Variants in OTOL1 observed in about 807,000 individuals in gnomAD.
The protein encoded by OTOL1 is otolin-1.
A neutral mutation model predicts 25.0 loss-of-function variants in OTOL1; 31 were observed. The ratio of observed to expected loss-of-function variants is 1.24; its 90% CI spans 0.93 to 1.67. The LOEUF (loss-of-function observed/expected upper bound fraction) is 1.67, where lower values mean the gene tolerates loss of function less well. Among genes scored for constraint, OTOL1 ranks in the 40% most tolerant of loss-of-function variants. The pLI is 0.00. For synonymous variants in OTOL1, 225 were observed against 210.3 expected (o/e 1.07, Z -0.61); for missense variants, 654 against 587.7 (o/e 1.11, Z -1.17).
At position 161,503,226 on chromosome 3, in the gene OTOL1, G is replaced by A; in HGVS notation, c.718G>A (p.Asp240Asn). The A allele has an allele frequency of 2.0e-6, 2 of 997,286 alleles. No homozygotes were observed. The highest frequency in any genetic ancestry group is 2.7e-6 in the Non-Finnish European group (2 of 754,052). The allele number at this position is 997,286 out of a possible 1,614,324, so 61.8% of individuals were successfully genotyped here. A position where few individuals can be genotyped will look rare whatever the true frequency, so the allele number is the denominator to read the frequency against. Reference sequence around the variant, plus strand: ...GATGGGGGAGAAGGGGGAGATGGGGGATAAGGGCTGCTGTGGAGATTCTGG... The same window carrying A: ...GATGGGGGAGAAGGGGGAGATGGGGAATAAGGGCTGCTGTGGAGATTCTGG... Reference protein sequence around the residue: ...GEMGEKGEMGDKGCCGDSGER... With the variant: ...GEMGEKGEMGNKGCCGDSGER... The change falls in exon 4 of 4, where the codon GAT becomes AAT. Residue 240 changes from aspartate to asparagine, a missense_variant. Asp to Asn is a conservative substitution (Grantham distance 23, BLOSUM62 1). Transcript: ENST00000327928.
At position 161,496,952 on chromosome 3, in the gene OTOL1, G is replaced by A; in HGVS notation, c.145G>A (p.Gly49Ser). 1 of 1,613,518 alleles carries A rather than the reference G, an allele frequency of 6.2e-7. No individual in the cohort carries two copies. Among genetic ancestry groups the A allele is most frequent in the Non-Finnish European group, 8.5e-7 (1 of 1,179,644 alleles). Residue 49 changes from glycine to serine, a missense_variant, in exon 1 of 4, where the codon GGC becomes AGC. Physicochemically the swap from Gly to Ser is moderately conservative, Grantham distance 56. Transcript: ENST00000327928. ...GCCAAAGGGTCTAAAGCCATCCAGT[G>A]GCCCACCTCCAGAAGAAGAAGAAAC... ...EMPKGLKPSSGPPPEEEETLF... is the reference protein window; with the variant it reads ...EMPKGLKPSSSPPPEEEETLF...
chr3:161,501,598 T>C (rs1161716608), intron 2 of OTOL1, among the ~76,000 whole-genome samples: 1 of 152,106 alleles, frequency 6.6e-6, no homozygotes, highest in African/African-American at 2.4e-5. Context: ...AACTACAGGA[T>C]GTTGTGCACT....
At position 161,497,167 on chromosome 3, in the gene OTOL1, G is replaced by T; in HGVS notation, c.360G>T (p.Gln120His). 6.2e-7 allele frequency: 1 copy of T among 1,605,228 alleles called. No homozygotes were observed. The highest frequency in any genetic ancestry group is 1.1e-5 in the South Asian group (1 of 89,860). The change falls in exon 1 of 4, where the codon CAG (glutamine) becomes CAT (histidine). Residue 120 changes from glutamine to histidine, a missense_variant. Gln to His is a conservative substitution (Grantham distance 24). Transcript: ENST00000327928. ...AAGGAGAACCTGGAGAGACTGGACA[G>T]CCAGGTATTAGAAAATATAAGAAGT... is the stretch of plus-strand genomic sequence containing the variant. The part of the protein sequence containing the change: ...GQKGEPGETG[Q>H]PGPKGEAGNL...
rs200583638 is a variant in OTOL1 at position 161,496,908 on chromosome 3, A to G, written c.101A>G (p.Lys34Arg). The change falls in exon 1 of 4, where the codon AAA becomes AGA. Residue 34 changes from lysine to arginine, a missense_variant. Lys to Arg is a conservative substitution (Grantham distance 26). Coordinates refer to ENST00000327928, the MANE Select transcript of OTOL1 (RefSeq NM_001080440.1). ...ACACCACATACCAAATTTACGAAGA[A>G]ATCTGAGGAAAGAGAGATGCCAAAG... ...KTTPHTKFTKKSEEREMPKGL... is the reference protein window; with the variant it reads ...KTTPHTKFTKRSEEREMPKGL... The G allele has an allele frequency of 7.2e-5, 116 of 1,613,442 alleles. No homozygotes were observed. In the African/African-American group the frequency reaches 1.4e-3, roughly 19 times the overall value.
intron 3 of OTOL1, 83 bp from the exon 4 acceptor site, chr3:161,502,943 T>TCTA (rs1480266408): frequency 5.5e-6 from 6 of 1,096,614 alleles, no homozygotes; most frequent in Non-Finnish European, 7.1e-6. Context: ...TAGGTTTGTT[T>TCTA]CTACTTTTTT....
At chr3:161,498,435 A>C (rs904191563) in intron 1 of OTOL1, among the ~76,000 whole-genome samples, 2 of 152,088 alleles carry the variant, frequency 1.3e-5, no homozygotes, top group Admixed American at 1.3e-4. Context: ...TCTGCCACAG[A>C]GCATAGTGCT....
chr3:161,502,099 C>T (rs1264168744), intron 2 of OTOL1, among the ~76,000 whole-genome samples: 1 of 152,208 alleles, frequency 6.6e-6, no homozygotes, highest in Non-Finnish European at 1.5e-5. Context: ...AACTCCTGAC[C>T]TCAGGTGATC....
At chr3:161,497,194 A>C in intron 1 of OTOL1, 23 bp downstream of exon 1, 1 of 1,587,744 alleles carries the variant, frequency 6.3e-7, no homozygotes, top group Non-Finnish European at 8.6e-7. Flanking sequence ...ATAAGAAGTC[A>C]TGTTTCTCAC....
chr3:161,498,402 T>A (rs1460855337), intron 1 of OTOL1, among the ~76,000 whole-genome samples: 1 of 152,114 alleles, frequency 6.6e-6, no homozygotes, highest in African/African-American at 2.4e-5. Flanking sequence ...CCTGGGGAGC[T>A]CATATGTCTT....
chr3:161,502,120 G>A (rs1469742013), intron 2 of OTOL1, among the ~76,000 whole-genome samples, 187 bp from the exon 3 acceptor site: 5 of 152,146 alleles, frequency 3.3e-5, no homozygotes, highest in Non-Finnish European at 7.3e-5. Flanking sequence ...CACCCGCCTC[G>A]GCCTCCCACA....
chr3:161,503,651 C>A lies in OTOL1; in HGVS notation c.1143C>A (p.Asn381Lys). ...ACAGTCCTGTCACTGGGAAGTTTAA[C>A]TGCTCTATTCCTGGGACATATGTTT... ...GNYSPVTGKF[N>K]CSIPGTYVFS... Residue 381 changes from asparagine (N) to lysine (K), a missense_variant, in exon 4 of 4, where the codon AAC becomes AAA. Physicochemically the swap from Asn to Lys is moderately conservative, Grantham distance 94. Coordinates refer to ENST00000327928, the MANE Select transcript of OTOL1 (RefSeq NM_001080440.1). 6.2e-7 allele frequency: 1 copy of A among 1,613,884 alleles called. No individual in the cohort carries two copies.
At position 161,503,527 on chromosome 3, in the gene OTOL1, T is replaced by C; in HGVS notation, c.1019T>C (p.Val340Ala). ...FKGSKGELAR[V>A]PRSAFSAGLS... ...GGCTCCAAGGGTGAGTTGGCTAGAG[T>C]GCCCCGGTCGGCTTTCAGCGCTGGT... The change falls in exon 4 of 4, where the codon GTG becomes GCG. Residue 340 changes from valine (V) to alanine (A), a missense_variant. By Grantham distance (64) the Val-to-Ala change is moderately conservative. Coordinates refer to ENST00000327928, the MANE Select transcript of OTOL1 (RefSeq NM_001080440.1). 6.2e-7 allele frequency: 1 copy of C among 1,613,492 alleles called. No individual in the cohort carries two copies. Among genetic ancestry groups the C allele is most frequent in the East Asian group, 2.2e-5 (1 of 44,832 alleles).
chr3:161,500,086 A>G (rs1283441960), intron 2 of OTOL1, among the ~76,000 whole-genome samples: 1 of 152,172 alleles, frequency 6.6e-6, no homozygotes, highest in African/African-American at 2.4e-5. Context: ...CTGTAGAAAT[A>G]CCATCTATCC....
At chr3:161,502,207 G>A in intron 2 of OTOL1, 100 bp from the exon 3 acceptor site, 1 of 1,072,340 alleles carries the variant, frequency 9.3e-7, no homozygotes, top group Non-Finnish European at 1.4e-6. Flanking sequence ...AGCCCATTTT[G>A]GTTAAAGAAA....
Position 161,503,243 on chromosome 3 carries a change from A to G in OTOL1, c.735A>G (p.Gly245=). 1.4e-6 allele frequency: 2 copies of G among 1,384,804 alleles called. No individual in the cohort carries two copies. The highest frequency in any genetic ancestry group is 1.9e-6 in the Non-Finnish European group (2 of 1,065,980). 85.8% of individuals were successfully genotyped at this position (1,384,804 alleles called of 1,614,324 possible). ...AGATGGGGGATAAGGGCTGCTGTGGAGATTCTGGGGAGAGGGGAGGAAAAG... is the reference window on the plus strand; with the variant it reads ...AGATGGGGGATAAGGGCTGCTGTGGGGATTCTGGGGAGAGGGGAGGAAAAG... ...KGEMGDKGCC[G]DSGERGGKGQ... is the part of the protein sequence containing the mutation. The change falls in exon 4 of 4, where the codon GGA becomes GGG. Residue 245 remains glycine, a synonymous_variant. Coordinates refer to ENST00000327928, the MANE Select transcript of OTOL1 (RefSeq NM_001080440.1).
At chr3:161,498,552 A>G (rs1019141941) in intron 1 of OTOL1, among the ~76,000 whole-genome samples, 5 of 152,174 alleles carry the variant, frequency 3.3e-5, no homozygotes, top group African/African-American at 1.2e-4. Flanking sequence ...CATTTTCTCA[A>G]GGAAGCCTCT....
At chr3:161,498,693 G>A (rs1718897955) in intron 1 of OTOL1, among the ~76,000 whole-genome samples, 1 of 152,126 alleles carries the variant, frequency 6.6e-6, no homozygotes, top group African/African-American at 2.4e-5. Context: ...TCAGCTTCAT[G>A]AGAGTAGGGA....
chr3:161,501,344 A>G (rs1718970068), intron 2 of OTOL1, among the ~76,000 whole-genome samples: 1 of 152,178 alleles, frequency 6.6e-6, no homozygotes, highest in Non-Finnish European at 1.5e-5. Flanking sequence ...GATATTATTA[A>G]TACCATTATT....
chr3:161,502,452 T>A (rs995038299), intron 3 of OTOL1, 83 bp downstream of exon 3: 2 of 1,163,752 alleles, frequency 1.7e-6, no homozygotes, highest in Non-Finnish European at 2.5e-6. Flanking sequence ...TTTAAAATTA[T>A]CAGAGAGGTA....
Sources: gnomAD v4.1 joint callset for allele counts (sites outside exome capture counted in the v4.1 genomes callset) on GRCh38, gnomAD v4.1.1 for gene constraint, MANE v1.5 for transcripts, NCBI Gene and HGNC (gene_info 2026-07-23, HGNC 2026-07-21) for gene names.